Variants in GALNT13 observed in about 807,000 individuals in gnomAD.
The protein encoded by GALNT13 is polypeptide N-acetylgalactosaminyltransferase 13.
A neutral mutation model predicts 64.2 loss-of-function variants in GALNT13; 28 were observed. That is an observed-to-expected ratio of 0.44 (90% CI 0.32 to 0.60). GALNT13 has a LOEUF of 0.60. Among genes scored for constraint, GALNT13 ranks in the 20% least tolerant of loss-of-function variants. GALNT13 has a pLI of 0.05. For missense variants in GALNT13, 577 were observed against 669.8 expected, an observed-to-expected ratio of 0.86 and a Z score of 1.53; for synonymous variants, 214 against 224.6, an observed-to-expected ratio of 0.95 and a Z score of 0.42.
At chr2:153,539,693 A>C in the GALNT13 span, among the ~76,000 whole-genome samples, 7 of 151,272 alleles carry the variant, frequency 4.6e-5, no homozygotes, top group Non-Finnish European at 7.4e-5. Flanking sequence ...GTCAAAGATC[A>C]GATAGTTGTA....
chr2:153,403,526 C>T, the GALNT13 span, among the ~76,000 whole-genome samples: 1 of 152,228 alleles, frequency 6.6e-6, no homozygotes, highest in South Asian at 2.1e-4. Context: ...CCTCCCCCAG[C>T]CTCCCTGCCA....
intron 3 of GALNT13, among the ~76,000 whole-genome samples, chr2:153,992,675 C>A (rs1467387141): frequency 6.6e-6 from 1 of 152,012 alleles, no homozygotes; most frequent in Non-Finnish European, 1.5e-5. Context: ...TTCTAAACAA[C>A]AAATTGCATT....
At chr2:154,014,477 C>G (rs898499025) in intron 3 of GALNT13, among the ~76,000 whole-genome samples, 2 of 151,820 alleles carry the variant, frequency 1.3e-5, no homozygotes, top group Admixed American at 6.6e-5. Flanking sequence ...CATCCTCCTT[C>G]CGTCCACTCT....
intron 3 of GALNT13, among the ~76,000 whole-genome samples, chr2:153,984,447 G>A (rs1247393455): frequency 6.6e-6 from 1 of 151,502 alleles, no homozygotes; most frequent in Non-Finnish European, 1.5e-5. Flanking sequence ...AGTGAAATTT[G>A]GAGAGACCAG....
chr2:153,477,576 T>A, the GALNT13 span: 2 of 84,830 alleles, frequency 2.4e-5, no homozygotes, highest in Admixed American at 1.4e-4. Flanking sequence ...AGGCTCCCCC[T>A]CCCCCCACCC....
the GALNT13 span, among the ~76,000 whole-genome samples, chr2:153,630,807 A>ATTTT: frequency 9.1e-5 from 2 of 21,988 alleles, no homozygotes; most frequent in African/African-American, 1.9e-4. Flanking sequence ...ATATATATAT[A>ATTTT]TTTTTTTTTT....
chr2:153,915,144 C>T (rs1184485098), intron 2 of GALNT13, among the ~76,000 whole-genome samples: 2 of 152,124 alleles, frequency 1.3e-5, no homozygotes, highest in African/African-American at 4.8e-5. Context: ...AAGTTACCTG[C>T]CCATTCAGCA....
At chr2:153,266,303 C>T in the GALNT13 span, among the ~76,000 whole-genome samples, 10 of 152,142 alleles carry the variant, frequency 6.6e-5, no homozygotes, top group African/African-American at 2.4e-4. Flanking sequence ...TAGTATTTGA[C>T]AACGTTAGAG....
the GALNT13 span, among the ~76,000 whole-genome samples, chr2:153,858,562 G>C: frequency 6.6e-6 from 1 of 152,082 alleles, no homozygotes; most frequent in East Asian, 1.9e-4. Flanking sequence ...TTCTGAGAGA[G>C]AGAGATCATA....
chr2:153,452,849 G>C, the GALNT13 span, among the ~76,000 whole-genome samples: 1 of 152,042 alleles, frequency 6.6e-6, no homozygotes, highest in African/African-American at 2.4e-5. Context: ...AAAGCTGGAG[G>C]CATTACATAC....
At chr2:153,982,776 T>G (rs1329477513) in intron 3 of GALNT13, among the ~76,000 whole-genome samples, 2 of 151,982 alleles carry the variant, frequency 1.3e-5, no homozygotes, top group African/African-American at 4.8e-5. Context: ...GATTTACAAA[T>G]TATCAAATAA....
rs1030827623 is a variant in GALNT13, at chr2:154,209,477, G to T, written c.312-32553G>T. Among the ~76,000 whole-genome samples the T allele has an allele frequency of 2.6e-5, 4 of 152,134 alleles. 1 individual carries two copies. The highest frequency in any genetic ancestry group is 4.8e-5 in the African/African-American group (2 of 41,444). ...AAATTAGGATTCACTTTACTGAATTGAATTCAGTTTTCACTATCTCCTGCT... is the reference window on the plus strand; with the variant it reads ...AAATTAGGATTCACTTTACTGAATTTAATTCAGTTTTCACTATCTCCTGCT... On this transcript the variant is annotated intron_variant, in intron 4 of 12. Coordinates refer to ENST00000392825, the MANE Select transcript of GALNT13 (RefSeq NM_052917.4).
chr2:154,126,509 C>T (rs143498504), intron 3 of GALNT13, among the ~76,000 whole-genome samples: 87 of 152,086 alleles, frequency 5.7e-4, no homozygotes, highest in African/African-American at 2.0e-3. Context: ...GTGGTGGGCG[C>T]CGGTAGTCCC....
chr2:154,364,655 GTT>G (rs1697262852), intron 9 of GALNT13, among the ~76,000 whole-genome samples: 1 of 46,068 alleles, frequency 2.2e-5, no homozygotes, highest in Non-Finnish European at 4.9e-5. Context: ...GTTTTGTTTT[GTT>G]TTGTTTTGTT....
the GALNT13 span, among the ~76,000 whole-genome samples, chr2:153,248,659 C>CA: frequency 4.6e-5 from 7 of 150,938 alleles, no homozygotes; most frequent in East Asian, 2.0e-4. Context: ...TAAAAAAATA[C>CA]AAAAAAATTA....
chr2:153,952,443 T>C (rs894658449), intron 3 of GALNT13, among the ~76,000 whole-genome samples: 43 of 152,154 alleles, frequency 2.8e-4, no homozygotes, highest in African/African-American at 9.9e-4. Flanking sequence ...AAAATAAGCC[T>C]ATAGTAAACC....
At chr2:153,352,232 C>T in the GALNT13 span, among the ~76,000 whole-genome samples, 1 of 152,052 alleles carries the variant, frequency 6.6e-6, no homozygotes, top group Admixed American at 6.6e-5. Flanking sequence ...TCTTGATATG[C>T]TTATTTGCCA....
intron 4 of GALNT13, among the ~76,000 whole-genome samples, chr2:154,174,473 GC>G (rs1685538626): frequency 6.6e-6 from 1 of 152,174 alleles, no homozygotes; most frequent in Middle Eastern, 3.4e-3. Flanking sequence ...GATTTTTTAA[GC>G]TAACATAACA....
At chr2:153,570,210 C>A in the GALNT13 span, among the ~76,000 whole-genome samples, 1 of 151,974 alleles carries the variant, frequency 6.6e-6, no homozygotes, top group Non-Finnish European at 1.5e-5. Flanking sequence ...TGTTGAGCAC[C>A]TTTTTATATG....
Sources: gnomAD v4.1 joint callset for allele counts (sites outside exome capture counted in the v4.1 genomes callset) on GRCh38, gnomAD v4.1.1 for gene constraint, MANE v1.5 for transcripts, NCBI Gene and HGNC (gene_info 2026-07-23, HGNC 2026-07-21) for gene names.